The following RTTN variants were observed in gnomAD, a reference collection of about 807,000 sequenced individuals.
RTTN encodes rotatin.
Under a neutral mutation model 269.2 loss-of-function variants are expected in RTTN, and 182 were observed. The observed-to-expected ratio is 0.68, with a 90% CI of 0.60 to 0.76. RTTN has a LOEUF of 0.76. Ranked by LOEUF, RTTN falls within the 30% of genes least tolerant of loss-of-function variation. RTTN has a pLI of 0.00. For synonymous variants in RTTN, 1,006 were observed against 963.5 expected, an observed-to-expected ratio of 1.04 and a Z score of -0.82; for missense variants, 2,545 against 2,608.6, an observed-to-expected ratio of 0.98 and a Z score of 0.53.
chr18:70,193,233 C>G, intron 8 of RTTN, 55 bp downstream of exon 8: 2 of 1,293,070 alleles, frequency 1.5e-6, no homozygotes, highest in South Asian at 2.7e-5. Flanking sequence ...GAAATTAACA[C>G]ACACACAAGT....
At chr18:70,053,214 A>G (rs1330614521) in intron 38 of RTTN, 1 of 152,248 alleles carries the variant, frequency 6.6e-6, no homozygotes, top group Non-Finnish European at 1.5e-5. Context: ...AGGAAGAGAA[A>G]TAGTAATAAG....
At chr18:70,163,335 T>C (rs773308033) in intron 14 of RTTN, among the ~76,000 whole-genome samples, 5 of 151,800 alleles carry the variant, frequency 3.3e-5, no homozygotes, top group East Asian at 1.9e-4. Context: ...TGAGCCAAGA[T>C]TGTGCCACTG....
In RTTN at chr18:70,145,409, G is replaced by A. The variant is rs574695395; in HGVS notation, c.2481+203C>T. 3.3e-5 allele frequency among the ~76,000 whole-genome samples: 5 copies of A among 152,164 alleles called. No homozygotes were observed. The East Asian group carries it at 5.8e-4, about 18-fold the overall frequency. ...AATTGTCCTGTGAAACTGGTCCCTA[G>A]TGCCAAAAAGGTTGGGACCACTGCA... On this transcript the variant is annotated intron_variant, in intron 18 of 48. Transcript: ENST00000640769.
intron 28 of RTTN, among the ~76,000 whole-genome samples, chr18:70,093,828 G>A (rs146238038): frequency 1.6e-4 from 24 of 151,704 alleles, no homozygotes; most frequent in South Asian, 1.0e-3. Context: ...AATGAGTTAC[G>A]GAGGATTCCC....
At chr18:70,127,990 G>C (rs2059909220) in intron 24 of RTTN, 1 of 472,860 alleles carries the variant, frequency 2.1e-6, no homozygotes, top group African/African-American at 1.9e-5. Flanking sequence ...AGACAGATTA[G>C]AATATTAAGA....
At chr18:70,009,812 C>T (rs952414618) in intron 46 of RTTN, among the ~76,000 whole-genome samples, 1 of 152,058 alleles carries the variant, frequency 6.6e-6, no homozygotes, top group Non-Finnish European at 1.5e-5. Flanking sequence ...CAAGACCCAT[C>T]GGTGTGCTGT....
intron 18 of RTTN, among the ~76,000 whole-genome samples, chr18:70,142,994 C>A (rs2060297549): frequency 6.6e-6 from 1 of 152,134 alleles, no homozygotes; most frequent in African/African-American, 2.4e-5. Context: ...CACTGCACTC[C>A]AACCTGGGCA....
intron 28 of RTTN, among the ~76,000 whole-genome samples, chr18:70,108,035 G>A (rs1360151563): frequency 6.6e-6 from 1 of 152,214 alleles, no homozygotes; most frequent in Non-Finnish European, 1.5e-5. Flanking sequence ...AGCACTTTGG[G>A]AGGCCAAGAC....
chr18:70,099,777 C>G (rs963739438), intron 28 of RTTN, among the ~76,000 whole-genome samples: 5 of 152,166 alleles, frequency 3.3e-5, no homozygotes, highest in Admixed American at 3.3e-4. Context: ...AGGAAGGGAT[C>G]CAGTTTCAGC....
chr18:70,105,569 C>T (rs372646120), intron 28 of RTTN, among the ~76,000 whole-genome samples: 1 of 152,184 alleles, frequency 6.6e-6, no homozygotes, highest in Non-Finnish European at 1.5e-5. Context: ...CCGTCTTCTG[C>T]GTCGCTCATG....
chr18:70,161,157 C>T (rs1170342597), intron 14 of RTTN, among the ~76,000 whole-genome samples: 1 of 152,102 alleles, frequency 6.6e-6, no homozygotes, highest in Non-Finnish European at 1.5e-5. Context: ...GATACACAGG[C>T]CACTAGAACA....
chr18:70,079,481 C>T (rs1599423893), intron 32 of RTTN, among the ~76,000 whole-genome samples: 3 of 152,054 alleles, frequency 2.0e-5, no homozygotes. Context: ...AGGGCCAGAA[C>T]AATGAAGTCT....
chr18:70,009,379 G>A (rs58051919), intron 46 of RTTN, among the ~76,000 whole-genome samples: 5,981 of 152,126 alleles, frequency 0.039, 213 homozygotes, highest in African/African-American at 0.095. Flanking sequence ...CTCATGGTCC[G>A]CCCACCTTGG....
chr18:70,046,095 A>T (rs1351014164), intron 40 of RTTN, among the ~76,000 whole-genome samples: 1 of 152,174 alleles, frequency 6.6e-6, no homozygotes, highest in East Asian at 1.9e-4. Context: ...AAACTGATTC[A>T]TTACCCTACA....
chr18:70,030,999 C>A lies in RTTN; in HGVS notation c.5542-18G>T. On this transcript the variant is annotated intron_variant, in intron 40 of 48. Transcript: ENST00000640769. ...TCATAGCACTGCAGAGAATATAAAT[C>A]AAACTGCCTTGAAGAAATATTTAAT... 2.6e-6 allele frequency: 4 copies of A among 1,548,374 alleles called. No homozygotes were observed. In the South Asian group the frequency reaches 3.5e-5, roughly 13 times the overall value.
At chr18:70,142,112 T>C (rs1482529145) in intron 19 of RTTN, among the ~76,000 whole-genome samples, 176 bp downstream of exon 19, 2 of 152,164 alleles carry the variant, frequency 1.3e-5, no homozygotes, top group Non-Finnish European at 2.9e-5. Flanking sequence ...TTGGTTTTGG[T>C]TGGATTTTGT....
Position 70,003,799 on chromosome 18 carries a change from G to A in RTTN, c.*352C>T, listed in dbSNP as rs1337306729. On this transcript the variant is annotated 3_prime_UTR_variant, in exon 49 of 49. Transcript: ENST00000640769. ...AAAAGTCTGTAAGCAGCAATTATTA[G>A]TCAATTTTTAGTTTCTAAAAATATT... The A allele has an allele frequency of 6.2e-6, 1 of 161,708 alleles. No individual in the cohort carries two copies. Among genetic ancestry groups the A allele is most frequent in the Non-Finnish European group, 1.3e-5 (1 of 74,678 alleles). The allele number at this position is 161,708 out of a possible 1,614,324, so 10.0% of individuals were successfully genotyped here. A position where few individuals can be genotyped will look rare whatever the true frequency, so the allele number is the denominator to read the frequency against.
intron 38 of RTTN, chr18:70,053,510 C>T (rs752865204): frequency 6.6e-6 from 1 of 152,152 alleles, no homozygotes; most frequent in Non-Finnish European, 1.5e-5. Context: ...CTTCATTTTC[C>T]AGACCTAAAA....
intron 25 of RTTN, 151 bp downstream of exon 25, chr18:70,127,351 G>A (rs1459888299): frequency 3.7e-6 from 3 of 819,266 alleles, no homozygotes; most frequent in Non-Finnish European, 5.4e-6. Context: ...ATTTCTCTTT[G>A]GCTATTATTA....
Sources: allele counts gnomAD v4.1 joint callset (sites outside exome capture counted in the v4.1 genomes callset), GRCh38; gene constraint gnomAD v4.1.1; transcripts MANE v1.5; gene names NCBI Gene and HGNC (gene_info 2026-07-23, HGNC 2026-07-21).